RAB11FIP2: variants seen among roughly 807,000 people sequenced by gnomAD.
The protein encoded by RAB11FIP2 is RAB11 family interacting protein 2, also known as rab11 family-interacting protein 2.
In RAB11FIP2, 16 loss-of-function variants were observed where a neutral mutation model predicts 40.9. The ratio of observed to expected loss-of-function variants is 0.39; its 90% CI spans 0.26 to 0.59. The LOEUF is 0.59. RAB11FIP2 is among the 20% of genes least tolerant of loss of function. The pLI, the probability that RAB11FIP2 is intolerant of heterozygous loss-of-function variation, is 0.53. For synonymous variants in RAB11FIP2, 228 were observed against 213.7 expected (o/e 1.07, Z -0.58); for missense variants, 532 against 606.2 (o/e 0.88, Z 1.28).
intron 1 of RAB11FIP2, among the ~76,000 whole-genome samples, chr10:118,040,963 A>G (rs1391111337): frequency 1.3e-5 from 2 of 152,136 alleles, no homozygotes; most frequent in African/African-American, 4.8e-5. Context: ...AGATTTTGAA[A>G]GAATTCACCA....
intron 3 of RAB11FIP2, among the ~76,000 whole-genome samples, chr10:118,021,323 C>T (rs1165502135): frequency 6.6e-6 from 1 of 152,198 alleles, no homozygotes; most frequent in African/African-American, 2.4e-5. Context: ...TTTCTCTGAA[C>T]ATGTTTCCAA....
intron 1 of RAB11FIP2, among the ~76,000 whole-genome samples, chr10:118,043,052 C>G (rs1284159102): frequency 6.6e-6 from 1 of 151,994 alleles, no homozygotes; most frequent in Non-Finnish European, 1.5e-5. Context: ...CTTTTTTTCA[C>G]CTCTGGAGTA....
At chr10:118,021,178 G>T (rs900876865) in intron 3 of RAB11FIP2, among the ~76,000 whole-genome samples, 3 of 151,998 alleles carry the variant, frequency 2.0e-5, no homozygotes, top group African/African-American at 7.3e-5. Flanking sequence ...TTCCATTTAG[G>T]ATTGCATTTT....
intron 3 of RAB11FIP2, among the ~76,000 whole-genome samples, chr10:118,023,253 T>C (rs371550014): frequency 9.9e-5 from 15 of 152,224 alleles, no homozygotes; most frequent in African/African-American, 3.1e-4. Flanking sequence ...TCTTTAATAA[T>C]GCTCTTTCCA....
rs1218298151 is a variant in RAB11FIP2, at chr10:118,033,968, C to A, written c.1265+5004G>T. On this transcript the variant is annotated intron_variant, in intron 3 of 4. Coordinates refer to ENST00000355624, the MANE Select transcript of RAB11FIP2 (RefSeq NM_014904.3). Reference sequence around the variant, plus strand: ...TTCCACTTGCATGCAGAGACCCAGGCTGCTCCTACTTACAGCTCTGCCCAT... The same window carrying A: ...TTCCACTTGCATGCAGAGACCCAGGATGCTCCTACTTACAGCTCTGCCCAT... 10 of 701,856 alleles carry A rather than the reference C, an allele frequency of 1.4e-5. No individual in the cohort carries two copies. In the East Asian group the frequency reaches 2.4e-4, roughly 17 times the overall value. 43.5% of individuals were successfully genotyped at this position (701,856 alleles called of 1,614,324 possible). A position where few individuals can be genotyped will look rare whatever the true frequency, so the allele number is the denominator to read the frequency against.
At chr10:118,039,483 A>T in intron 2 of RAB11FIP2, 43 bp from the exon 3 acceptor site, 1 of 1,484,814 alleles carries the variant, frequency 6.7e-7, no homozygotes, top group Non-Finnish European at 9.3e-7. Context: ...GTGACACATT[A>T]CATCACACTA....
rs187920614 is a variant in RAB11FIP2 at position 118,043,244 on chromosome 10, C to T, written c.353+2567G>A. On this transcript the variant is annotated intron_variant, in intron 1 of 4. Transcript: ENST00000355624. ...CAGGTGCACCGCTGAGACACACACACGTCCTAAAATCTGCATATGTCTGAG... is the reference window on the plus strand; with the variant it reads ...CAGGTGCACCGCTGAGACACACACATGTCCTAAAATCTGCATATGTCTGAG... Among the ~76,000 whole-genome samples, 599 of 152,118 alleles carry T rather than the reference C, an allele frequency of 3.9e-3. 2 individuals carry two copies. The highest frequency in any genetic ancestry group is 7.1e-3 in the Admixed American group (109 of 15,272).
intron 3 of RAB11FIP2, among the ~76,000 whole-genome samples, chr10:118,020,063 T>C (rs903183114): frequency 6.6e-6 from 1 of 152,206 alleles, no homozygotes; most frequent in African/African-American, 2.4e-5. Context: ...TTAATCCTTG[T>C]AACAATCCTA....
chr10:118,036,214 C>T (rs544757322), intron 3 of RAB11FIP2, among the ~76,000 whole-genome samples: 30 of 152,160 alleles, frequency 2.0e-4, no homozygotes, highest in African/African-American at 7.0e-4. Flanking sequence ...CCAGTTCACT[C>T]ACCAAGAAGA....
chr10:118,019,809 G>A (rs1846262111), intron 3 of RAB11FIP2, among the ~76,000 whole-genome samples: 2 of 150,172 alleles, frequency 1.3e-5, no homozygotes, highest in South Asian at 4.3e-4. Flanking sequence ...CTGGGGGAAG[G>A]AGCGAGACTC....
At chr10:118,020,812 A>G (rs959023153) in intron 3 of RAB11FIP2, among the ~76,000 whole-genome samples, 7 of 152,226 alleles carry the variant, frequency 4.6e-5, no homozygotes, top group African/African-American at 1.7e-4. Context: ...CTGATACATG[A>G]ATATAAAATA....
chr10:118,027,967 C>T (rs1233619946), intron 3 of RAB11FIP2, among the ~76,000 whole-genome samples: 4 of 152,090 alleles, frequency 2.6e-5, no homozygotes, highest in African/African-American at 9.7e-5. Context: ...GACTGAACTG[C>T]TCTTTTCATC....
chr10:118,042,330 G>A (rs1260342924), intron 1 of RAB11FIP2, among the ~76,000 whole-genome samples: 1 of 152,028 alleles, frequency 6.6e-6, no homozygotes, highest in Non-Finnish European at 1.5e-5. Context: ...TTAGAGATAA[G>A]ACCAATAAAT....
chr10:118,031,604 C>T (rs1846414778), intron 3 of RAB11FIP2, among the ~76,000 whole-genome samples: 1 of 152,154 alleles, frequency 6.6e-6, no homozygotes, highest in Non-Finnish European at 1.5e-5. Context: ...AAGTGGAAGG[C>T]ACACTGCCAT....
chr10:118,032,506 C>G (rs1846426733), intron 3 of RAB11FIP2, among the ~76,000 whole-genome samples: 1 of 151,940 alleles, frequency 6.6e-6, no homozygotes, highest in Non-Finnish European at 1.5e-5. Flanking sequence ...ATACCCTCTA[C>G]CTTAGTTAGG....
intron 3 of RAB11FIP2, among the ~76,000 whole-genome samples, chr10:118,015,594 A>G (rs1046479511): frequency 1.3e-5 from 2 of 152,220 alleles, no homozygotes; most frequent in Non-Finnish European, 2.9e-5. Flanking sequence ...TACCCTATCA[A>G]TAAGAATAAA....
chr10:118,039,859 G>A (rs1324856917), intron 2 of RAB11FIP2: 1 of 419,438 alleles, frequency 2.4e-6, no homozygotes, highest in African/African-American at 2.0e-5. Context: ...AGCAGAAACA[G>A]CAGTAAAACA....
rs1346321613 is a variant in RAB11FIP2, at chr10:118,005,690, G to A, written c.*3308C>T. ...CAAGGTAAATTGCTTCTTCTGAAAA[G>A]CTACAGAGGAAAATAAAAGCTCTAG... On this transcript the variant is annotated 3_prime_UTR_variant, in exon 5 of 5. Coordinates refer to ENST00000355624, the MANE Select transcript of RAB11FIP2 (RefSeq NM_014904.3). 2 of 151,554 alleles carry A rather than the reference G, an allele frequency of 1.3e-5. No homozygotes were observed. Among genetic ancestry groups the A allele is most frequent in the Non-Finnish European group, 2.9e-5 (2 of 67,906 alleles). 9.4% of individuals were successfully genotyped at this position (151,554 alleles called of 1,614,324 possible).
At chr10:118,019,818 T>C (rs1213116543) in intron 3 of RAB11FIP2, among the ~76,000 whole-genome samples, 15 of 148,718 alleles carry the variant, frequency 1.0e-4, no homozygotes, top group African/African-American at 3.2e-4. Context: ...GGAGCGAGAC[T>C]CTGCCTCAAA....
Sources: gnomAD v4.1 joint callset for allele counts (sites outside exome capture counted in the v4.1 genomes callset) on GRCh38, gnomAD v4.1.1 for gene constraint, MANE v1.5 for transcripts, NCBI Gene and HGNC (gene_info 2026-07-23, HGNC 2026-07-21) for gene names.